Variants in DNAH11 observed in about 807,000 individuals in gnomAD.
DNAH11 encodes the protein dynein axonemal heavy chain 11.
In DNAH11, 442 loss-of-function variants were observed where a neutral mutation model predicts 526.0. That is an observed-to-expected ratio of 0.84 (90% CI 0.78 to 0.91). DNAH11 has a LOEUF of 0.91. DNAH11 is among the 40% of genes least tolerant of loss of function. The pLI is 0.00. For missense variants in DNAH11, 6,989 were observed against 5,448.7 expected, an observed-to-expected ratio of 1.28 and a Z score of -8.90; for synonymous variants, 2,461 against 1,935.9, an observed-to-expected ratio of 1.27 and a Z score of -7.12.
In DNAH11 at chr7:21,671,603, C is replaced by T. The variant is rs146321724; in HGVS notation, c.5329-9943C>T. On this transcript the variant is annotated intron_variant, in intron 30 of 81. Transcript: ENST00000409508. ...CAATTTTATTTCTGTTTTCAAAGAA[C>T]TAATCTTTGACGTTATTGGTTTTCT... Among the ~76,000 whole-genome samples, 262 of 152,062 alleles carry T rather than the reference C, an allele frequency of 1.7e-3. 1 individual carries two copies. The highest frequency in any genetic ancestry group is 6.0e-3 in the African/African-American group (250 of 41,480).
chr7:21,544,113 C>T (rs1782711694), intron 1 of DNAH11, among the ~76,000 whole-genome samples: 1 of 152,176 alleles, frequency 6.6e-6, no homozygotes, highest in African/African-American at 2.4e-5. Flanking sequence ...GTTTACTGAA[C>T]ATTTAGAGGG....
At chr7:21,591,678 T>C in intron 14 of DNAH11, 101 bp downstream of exon 14, 2 of 1,229,708 alleles carry the variant, frequency 1.6e-6, no homozygotes, top group Non-Finnish European at 2.2e-6. Flanking sequence ...TTATCAAGCC[T>C]GAAAGAGCTT....
At position 21,786,733 on chromosome 7, in the gene DNAH11, G is replaced by A. The variant is rs758030856; in HGVS notation, c.9707G>A (p.Arg3236Gln). Residue 3236 changes from arginine (R) to glutamine (Q), a missense_variant, in exon 59 of 82, where the codon CGA (arginine) becomes CAA (glutamine). Arg to Gln is a conservative substitution (Grantham distance 43, BLOSUM62 1). Transcript: ENST00000409508. ...LAPRGRVPKDRSWKAAKVFMG... is the reference protein window; with the variant it reads ...LAPRGRVPKDQSWKAAKVFMG... The stretch of plus-strand genomic sequence containing the variant: ...CCTCGGGGAAGAGTGCCCAAAGACC[G>A]AAGTTGGAAAGCAGCTAAAGTCTTC... 35 of 1,613,678 alleles carry A rather than the reference G, an allele frequency of 2.2e-5. No homozygotes were observed. The highest frequency in any genetic ancestry group is 2.2e-5 in the East Asian group (1 of 44,892).
At chr7:21,664,330 T>G (rs1053659452) in intron 30 of DNAH11, among the ~76,000 whole-genome samples, 4 of 152,060 alleles carry the variant, frequency 2.6e-5, no homozygotes, top group African/African-American at 9.7e-5. Context: ...TTAAAGGTTA[T>G]CTTTATGTCT....
At chr7:21,669,006 C>T (rs1368422123) in intron 30 of DNAH11, among the ~76,000 whole-genome samples, 1 of 152,172 alleles carries the variant, frequency 6.6e-6, no homozygotes, top group Non-Finnish European at 1.5e-5. Flanking sequence ...CTTATAATTG[C>T]AGCCATTTCA....
rs79441407 is a variant in DNAH11 at position 21,866,213 on chromosome 7, C to G, written c.11497-257C>G. On this transcript the variant is annotated intron_variant, in intron 70 of 81. Coordinates refer to ENST00000409508, the MANE Select transcript of DNAH11 (RefSeq NM_001277115.2). ...AGAAGTACCCCCACCTCTCTCTTCTCCAGTCTTCCAGGCTCCTGCCATTGC... is the reference window on the plus strand; with the variant it reads ...AGAAGTACCCCCACCTCTCTCTTCTGCAGTCTTCCAGGCTCCTGCCATTGC... Among the ~76,000 whole-genome samples the G allele has an allele frequency of 3.3e-5, 5 of 151,840 alleles. No individual in the cohort carries two copies. The East Asian group carries it at 5.8e-4, about 18-fold the overall frequency.
At chr7:21,586,394 T>A (rs1012801250) in intron 9 of DNAH11, among the ~76,000 whole-genome samples, 1 of 152,246 alleles carries the variant, frequency 6.6e-6, no homozygotes, top group African/African-American at 2.4e-5. Flanking sequence ...AGAAAGTTAA[T>A]CATTTACATT....
At chr7:21,808,843 A>G (rs1190933095) in intron 63 of DNAH11, among the ~76,000 whole-genome samples, 1 of 152,182 alleles carries the variant, frequency 6.6e-6, no homozygotes, top group Non-Finnish European at 1.5e-5. Flanking sequence ...TGCAGTAAAC[A>G]TAGGAGTGCA....
intron 61 of DNAH11, among the ~76,000 whole-genome samples, chr7:21,793,935 T>G (rs1291653491): frequency 6.6e-6 from 1 of 152,194 alleles, no homozygotes; most frequent in Non-Finnish European, 1.5e-5. Context: ...TCATTCTCTG[T>G]AGACATTTGT....
At chr7:21,739,992 A>C (rs1168338371) in intron 48 of DNAH11, among the ~76,000 whole-genome samples, 1 of 152,120 alleles carries the variant, frequency 6.6e-6, no homozygotes, top group African/African-American at 2.4e-5. Flanking sequence ...ATATTGACAC[A>C]TTATTATTAA....
At chr7:21,711,583 G>T (rs990345578) in intron 41 of DNAH11, 129 bp from the exon 42 acceptor site, 1 of 1,317,614 alleles carries the variant, frequency 7.6e-7, no homozygotes, top group Non-Finnish European at 1.0e-6. Context: ...TCTTTATTCA[G>T]ACTGCACTTC....
Position 21,636,081 on chromosome 7 carries a change from G to A in DNAH11, c.4711G>A (p.Asp1571Asn). 6.2e-7 allele frequency: 1 copy of A among 1,610,276 alleles called. No individual in the cohort carries two copies. Among genetic ancestry groups the A allele is most frequent in the Non-Finnish European group, 8.5e-7 (1 of 1,177,574 alleles). ...AGATGCTAGAAGATTTGATGGGGTGGATGCTGAATTTAAGGTTTGTCAAAG... is the reference window on the plus strand; with the variant it reads ...AGATGCTAGAAGATTTGATGGGGTGAATGCTGAATTTAAGGTTTGTCAAAG... ...VKDARRFDGV[D>N]AEFKELMFKT... The change falls in exon 26 of 82, where the codon GAT becomes AAT. Residue 1571 changes from aspartate to asparagine, a missense_variant. Transcript: ENST00000409508.
At position 21,750,324 on chromosome 7, in the gene DNAH11, G is replaced by T; in HGVS notation, c.8900G>T (p.Cys2967Phe). ...GGCATGGTAGACTCCAGGGAAAACTGTTGGAAATTCTTTATGGCCAGGGTG... is the reference window on the plus strand; with the variant it reads ...GGCATGGTAGACTCCAGGGAAAACTTTTGGAAATTCTTTATGGCCAGGGTG... ...ALGMVDSREN[C>F]WKFFMARVRL... The change falls in exon 54 of 82, where the codon TGT becomes TTT. Residue 2967 changes from cysteine to phenylalanine, a missense_variant. Cys to Phe is a radical substitution (Grantham distance 205). Transcript: ENST00000409508. The T allele has an allele frequency of 6.2e-7, 1 of 1,605,980 alleles. No homozygotes were observed.
intron 29 of DNAH11, among the ~76,000 whole-genome samples, chr7:21,657,281 G>T (rs1782053649): frequency 6.6e-6 from 1 of 152,154 alleles, no homozygotes; most frequent in South Asian, 2.1e-4. Flanking sequence ...TGCTAGGTCA[G>T]GCTTTGGGGA....
intron 34 of DNAH11, among the ~76,000 whole-genome samples, chr7:21,689,619 C>A (rs1358945274): frequency 6.6e-6 from 1 of 152,248 alleles, no homozygotes; most frequent in Non-Finnish European, 1.5e-5. Flanking sequence ...GTGTGAGCGG[C>A]CCTGCCAGCC....
Position 21,606,659 on chromosome 7 carries a change from G to T in DNAH11, c.3778G>T (p.Glu1260Ter). The T allele has an allele frequency of 1.3e-6, 2 of 1,549,366 alleles. No homozygotes were observed. The highest frequency in any genetic ancestry group is 1.2e-5 in the South Asian group (1 of 85,222). Residue 1260 changes from glutamate (E) to a stop codon, truncating the protein, a stop_gained, in exon 20 of 82, where the codon GAG becomes TAG. Coordinates refer to ENST00000409508, the MANE Select transcript of DNAH11 (RefSeq NM_001277115.2). LOFTEE classifies it high-confidence loss of function. Reference protein sequence around the residue: ...KCILFDAKQAEFRERFRHYAP... With the variant: ...KCILFDAKQA ...TTGCAATGATCAGGCAAAGCAGGCA[G>T]AGTTCAGAGAGAGATTCAGACACTA...
At chr7:21,849,072 A>G (rs1482897909) in intron 66 of DNAH11, among the ~76,000 whole-genome samples, 1 of 152,032 alleles carries the variant, frequency 6.6e-6, no homozygotes, top group Non-Finnish European at 1.5e-5. Flanking sequence ...TTTAGTAGAG[A>G]TGGGATTTCG....
chr7:21,700,554 C>T (rs1201313511), intron 36 of DNAH11, among the ~76,000 whole-genome samples: 1 of 151,998 alleles, frequency 6.6e-6, no homozygotes, highest in African/African-American at 2.4e-5. Flanking sequence ...CCCATTGTTG[C>T]CCTCAAAGTT....
chr7:21,660,486 G>T (rs1782197298), intron 30 of DNAH11, among the ~76,000 whole-genome samples: 1 of 145,450 alleles, frequency 6.9e-6, no homozygotes. Flanking sequence ...GATGTTTTAT[G>T]GCTATTTATT....
Sources: gnomAD v4.1 joint callset for allele counts (sites outside exome capture counted in the v4.1 genomes callset) on GRCh38, gnomAD v4.1.1 for gene constraint, MANE v1.5 for transcripts, NCBI Gene and HGNC (gene_info 2026-07-23, HGNC 2026-07-21) for gene names.